MRPL21: variants seen among roughly 807,000 people sequenced by gnomAD.
MRPL21 encodes mitochondrial ribosomal protein L21.
A neutral mutation model predicts 27.3 loss-of-function variants in MRPL21; 20 were observed. That is an observed-to-expected ratio of 0.73 (90% CI 0.52 to 1.06). The LOEUF (loss-of-function observed/expected upper bound fraction) is 1.06. MRPL21 is among the 50% of genes least tolerant of loss of function. The probability of loss-of-function intolerance (pLI) is 0.00; values close to 1 mark genes in which losing one functional copy is unlikely to be tolerated. For missense variants in MRPL21, 249 were observed against 251.4 expected, an observed-to-expected ratio of 0.99 and a Z score of 0.06; for synonymous variants, 98 against 101.5, an observed-to-expected ratio of 0.97 and a Z score of 0.21.
At position 68,892,888 on chromosome 11, in the gene MRPL21, ACTTCTTTT is replaced by A. The variant is rs1857684701; in HGVS notation, c.547_553+1del. 6.2e-7 allele frequency: 1 copy of A among 1,610,866 alleles called. No homozygotes were observed. The highest frequency in any genetic ancestry group is 1.7e-5 in the Admixed American group (1 of 59,760). On this transcript the variant is annotated splice_donor_variant and coding_sequence_variant, in exon 6 of 7. Coordinates refer to ENST00000362034, the MANE Select transcript of MRPL21 (RefSeq NM_181514.2). LOFTEE classifies it high-confidence loss of function. Reference sequence around the variant, plus strand: ...GGCCCAGCGGTACTTTCTCTAACTTACTTCTTTTCTTCTTGAAGTTTTTCCTTTTCCTG... The same window carrying A: ...GGCCCAGCGGTACTTTCTCTAACTTACTTCTTGAAGTTTTTCCTTTTCCTG...
chr11:68,893,380 G>A, intron 5 of MRPL21, 23 bp downstream of exon 5: 1 of 1,614,136 alleles, frequency 6.2e-7, no homozygotes, highest in Non-Finnish European at 8.5e-7. Flanking sequence ...CCCAGACAAA[G>A]CCCAGCACTT....
chr11:68,896,455 T>C, intron 4 of MRPL21, 60 bp downstream of exon 4: 1 of 1,585,400 alleles, frequency 6.3e-7, no homozygotes, highest in Non-Finnish European at 8.6e-7. Flanking sequence ...AGCTGGGGCG[T>C]GGAGATTACA....
intron 1 of MRPL21, among the ~76,000 whole-genome samples, chr11:68,901,737 T>G (rs1337317327): frequency 6.6e-6 from 1 of 152,130 alleles, no homozygotes; most frequent in African/African-American, 2.4e-5. Context: ...GACTCCCAAG[T>G]TTACACCTCC....
At chr11:68,898,107 T>A in intron 2 of MRPL21, 95 bp from the exon 3 acceptor site, 1 of 1,039,506 alleles carries the variant, frequency 9.6e-7, no homozygotes, top group Non-Finnish European at 1.5e-6. Flanking sequence ...TAGGAAGGGA[T>A]CCCCGGCAAC....
Position 68,893,139 on chromosome 11 carries a change from G to A in MRPL21, c.450-146C>T, listed in dbSNP as rs374272295. ...TCAATGGAAACATTTTGAAAACCAC[G>A]AAAAAGGACCACAAAGAACAGTTCC... On this transcript the variant is annotated intron_variant, in intron 5 of 6. Transcript: ENST00000362034. 1.2e-5 allele frequency: 16 copies of A among 1,326,190 alleles called. No individual in the cohort carries two copies. In the African/African-American group the frequency reaches 1.6e-4, roughly 14 times the overall value. The allele number at this position is 1,326,190 out of a possible 1,614,324, so 82.2% of individuals were successfully genotyped here.
chr11:68,898,428 G>A (rs1410462282), intron 2 of MRPL21, among the ~76,000 whole-genome samples: 1 of 152,228 alleles, frequency 6.6e-6, no homozygotes, highest in Non-Finnish European at 1.5e-5. Context: ...AGTGGCCCTG[G>A]AATGGCAGCT....
chr11:68,896,983 C>T (rs962128979), intron 3 of MRPL21: 9 of 443,546 alleles, frequency 2.0e-5, no homozygotes, highest in Admixed American at 1.0e-4. Context: ...CCTAAGCACT[C>T]GGCACGCCTG....
chr11:68,891,500 A>G (rs1278494269), intron 6 of MRPL21, 105 bp from the exon 7 acceptor site: 2 of 1,067,874 alleles, frequency 1.9e-6, no homozygotes, highest in African/African-American at 3.1e-5. Context: ...GACCCCGGCA[A>G]CGTCCCCTGC....
At chr11:68,891,964 A>C in intron 6 of MRPL21, 1 of 748,870 alleles carries the variant, frequency 1.3e-6, no homozygotes, top group African/African-American at 1.8e-5. Flanking sequence ...CAGACCTGCT[A>C]GGACAGCCCT....
chr11:68,898,904 C>T (rs1382560500), intron 2 of MRPL21, among the ~76,000 whole-genome samples: 1 of 152,222 alleles, frequency 6.6e-6, no homozygotes, highest in Non-Finnish European at 1.5e-5. Context: ...TCTCCTGCCT[C>T]AGTCACCTTA....
intron 1 of MRPL21, among the ~76,000 whole-genome samples, chr11:68,901,074 T>C (rs1469710676): frequency 1.3e-5 from 2 of 152,190 alleles, no homozygotes; most frequent in Non-Finnish European, 2.9e-5. Context: ...TGGATGCCTG[T>C]GCTCACCCTT....
rs146932385 is a variant in MRPL21, at chr11:68,900,584, C to T, written c.110G>A (p.Arg37Gln). ...PGAASLWSASRRFNSQSTSYL... is the reference protein window; with the variant it reads ...PGAASLWSASQRFNSQSTSYL... ...TGAAGTGCTCTGTGAATTGAACCTT[C>T]GAGAAGCAGACCAAAGGGAGGCTGA... Residue 37 changes from arginine to glutamine, a missense_variant, in exon 2 of 7, where the codon CGA becomes CAA. By Grantham distance (43) the Arg-to-Gln change is conservative. Transcript: ENST00000362034. 5.8e-5 allele frequency: 94 copies of T among 1,613,748 alleles called. No homozygotes were observed. The highest frequency in any genetic ancestry group is 1.6e-4 in the Middle Eastern group (1 of 6,082).
At chr11:68,896,965 C>G (rs1014116873) in intron 3 of MRPL21, 1 of 478,824 alleles carries the variant, frequency 2.1e-6, no homozygotes, top group Non-Finnish European at 3.8e-6. Flanking sequence ...CCTCATGCAA[C>G]TCCCTCGCCT....
At chr11:68,897,450 A>C (rs1429004539) in intron 3 of MRPL21, 1 of 161,756 alleles carries the variant, frequency 6.2e-6, no homozygotes, top group Non-Finnish European at 1.3e-5. Context: ...ATATAAGAAG[A>C]TTCCACTCGA....
At position 68,900,573 on chromosome 11, in the gene MRPL21, A is replaced by G; in HGVS notation, c.121T>C (p.Ser41Pro). The change falls in exon 2 of 7, where the codon TCA becomes CCA. Residue 41 changes from serine to proline, a missense_variant. Physicochemically the swap from Ser to Pro is moderately conservative, Grantham distance 74. Transcript: ENST00000362034. Reference protein sequence around the residue: ...SLWSASRRFNSQSTSYLPGYV... With the variant: ...SLWSASRRFNPQSTSYLPGYV... ...CCTGGTAGATATGAAGTGCTCTGTGAATTGAACCTTCGAGAAGCAGACCAA... is the reference window on the plus strand; with the variant it reads ...CCTGGTAGATATGAAGTGCTCTGTGGATTGAACCTTCGAGAAGCAGACCAA... The G allele has an allele frequency of 6.2e-7, 1 of 1,614,034 alleles. No homozygotes were observed. The highest frequency in any genetic ancestry group is 8.5e-7 in the Non-Finnish European group (1 of 1,179,886).
intron 2 of MRPL21, among the ~76,000 whole-genome samples, chr11:68,900,266 G>A (rs1358972076): frequency 6.6e-6 from 1 of 152,094 alleles, no homozygotes; most frequent in Non-Finnish European, 1.5e-5. Flanking sequence ...TTGCAGTTAC[G>A]TCTTCTTTTA....
At chr11:68,892,701 G>A in intron 6 of MRPL21, 189 bp downstream of exon 6, 2 of 1,527,322 alleles carry the variant, frequency 1.3e-6, no homozygotes, top group Non-Finnish European at 1.8e-6. Flanking sequence ...GCGTGGAGGA[G>A]AAGGGGAGCG....
intron 1 of MRPL21, among the ~76,000 whole-genome samples, chr11:68,902,998 C>T (rs976551374): frequency 1.3e-5 from 2 of 152,148 alleles, no homozygotes; most frequent in African/African-American, 2.4e-5. Flanking sequence ...GCATAATATT[C>T]TACTGTATGG....
chr11:68,892,644 G>A (rs1402893078), intron 6 of MRPL21: 4 of 1,440,304 alleles, frequency 2.8e-6, no homozygotes, highest in East Asian at 2.6e-5. Context: ...GTGGGGTCAC[G>A]TGCGGAGCGT....
Sources: allele counts gnomAD v4.1 joint callset (sites outside exome capture counted in the v4.1 genomes callset), GRCh38; gene constraint gnomAD v4.1.1; transcripts MANE v1.5; gene names NCBI Gene and HGNC (gene_info 2026-07-23, HGNC 2026-07-21).